Variants in NKAIN2 observed in about 807,000 individuals in gnomAD.
NKAIN2 encodes sodium/potassium transporting ATPase interacting 2.
NKAIN2 carries 14 observed loss-of-function variants against 32.6 expected under a neutral mutation model. The ratio of observed to expected loss-of-function variants is 0.43; its 90% CI spans 0.28 to 0.67. The LOEUF (loss-of-function observed/expected upper bound fraction) is 0.67, where lower values mean the gene tolerates loss of function less well. NKAIN2 is among the 30% of genes least tolerant of loss of function. NKAIN2 has a pLI of 0.17. For synonymous variants in NKAIN2, 80 were observed against 87.2 expected, an observed-to-expected ratio of 0.92 and a Z score of 0.46; for missense variants, 198 against 258.3, an observed-to-expected ratio of 0.77 and a Z score of 1.60.
intron 3 of NKAIN2, among the ~76,000 whole-genome samples, chr6:124,393,559 A>C (rs1773233134): frequency 6.6e-6 from 1 of 152,192 alleles, no homozygotes; most frequent in African/African-American, 2.4e-5. Context: ...CATTGCTGAA[A>C]TACTGAGTGA....
intron 1 of NKAIN2, among the ~76,000 whole-genome samples, chr6:124,072,056 A>G (rs1783491668): frequency 6.6e-6 from 1 of 152,194 alleles, no homozygotes; most frequent in Non-Finnish European, 1.5e-5. Flanking sequence ...TTACAATAGC[A>G]AAAACATGGA....
chr6:123,975,360 A>G (rs1299161912), intron 1 of NKAIN2, among the ~76,000 whole-genome samples: 2 of 152,226 alleles, frequency 1.3e-5, no homozygotes, highest in Non-Finnish European at 2.9e-5. Flanking sequence ...AAGAAACTGC[A>G]TAATTGAATT....
intron 5 of NKAIN2, among the ~76,000 whole-genome samples, chr6:124,808,899 A>G (rs1780734215): frequency 6.6e-6 from 1 of 152,200 alleles, no homozygotes; most frequent in Non-Finnish European, 1.5e-5. Context: ...CAAAGAGAAT[A>G]AAATACCTGG....
In NKAIN2 at chr6:124,806,950, A is replaced by G. The variant is rs145324343; in HGVS notation, c.536-11437A>G. ...ACAAGAAGAGCTAACTATCCTAAAT[A>G]TATATGCATCCAATACAGGAGGACC... On this transcript the variant is annotated intron_variant, in intron 5 of 6. Coordinates refer to ENST00000368417, the MANE Select transcript of NKAIN2 (RefSeq NM_001040214.3). Among the ~76,000 whole-genome samples, 1,302 of 152,358 alleles carry G rather than the reference A, an allele frequency of 8.5e-3. 10 individuals are homozygous for G. The highest frequency in any genetic ancestry group is 0.013 in the Non-Finnish European group (873 of 68,038).
intron 4 of NKAIN2, among the ~76,000 whole-genome samples, chr6:124,764,477 G>T (rs565421057): frequency 4.9e-4 from 75 of 152,154 alleles, no homozygotes; most frequent in African/African-American, 1.8e-3. Context: ...TTTATGCTTT[G>T]AAAAACTATC....
intron 3 of NKAIN2, among the ~76,000 whole-genome samples, chr6:124,570,952 G>C (rs1781104846): frequency 6.6e-6 from 1 of 152,166 alleles, no homozygotes; most frequent in Non-Finnish European, 1.5e-5. Flanking sequence ...CACAGAGGCA[G>C]AGCTGCCCAA....
At chr6:124,359,409 G>T (rs1421777157) in intron 3 of NKAIN2, among the ~76,000 whole-genome samples, 2 of 152,264 alleles carry the variant, frequency 1.3e-5, no homozygotes, top group African/African-American at 2.4e-5. Context: ...CATGAGCATG[G>T]AATGTTCTTC....
chr6:124,498,188 G>C (rs539193875), intron 3 of NKAIN2, among the ~76,000 whole-genome samples: 3 of 152,146 alleles, frequency 2.0e-5, no homozygotes, highest in Non-Finnish European at 4.4e-5. Flanking sequence ...TCTTGAATAC[G>C]AACTGTGAGT....
At chr6:124,522,291 A>G (rs1779146154) in intron 3 of NKAIN2, among the ~76,000 whole-genome samples, 1 of 152,182 alleles carries the variant, frequency 6.6e-6, no homozygotes, top group Non-Finnish European at 1.5e-5. Flanking sequence ...ACTATTCAGC[A>G]TGTATTTCAT....
At chr6:124,083,718 A>G (rs1784072558) in intron 1 of NKAIN2, among the ~76,000 whole-genome samples, 1 of 152,040 alleles carries the variant, frequency 6.6e-6, no homozygotes, top group South Asian at 2.1e-4. Flanking sequence ...TGGTCTGTAC[A>G]GTTAAAGTAC....
chr6:123,845,510 A>C (rs1775050732), intron 1 of NKAIN2, among the ~76,000 whole-genome samples: 1 of 152,100 alleles, frequency 6.6e-6, no homozygotes, highest in Non-Finnish European at 1.5e-5. Flanking sequence ...GTTTCTCTTC[A>C]CCTTTCTGAT....
chr6:124,048,555 T>C (rs1782252385), intron 1 of NKAIN2, among the ~76,000 whole-genome samples: 1 of 152,020 alleles, frequency 6.6e-6, no homozygotes, highest in Admixed American at 6.6e-5. Flanking sequence ...TCAGTAAACA[T>C]TCCTTCCTGA....
intron 1 of NKAIN2, among the ~76,000 whole-genome samples, chr6:123,820,789 A>G (rs988287569): frequency 2.0e-5 from 3 of 152,210 alleles, no homozygotes; most frequent in Non-Finnish European, 4.4e-5. Flanking sequence ...ATTTAGCCGT[A>G]CCCCTCAATG....
chr6:124,737,706 G>C (rs1360981696), intron 4 of NKAIN2, among the ~76,000 whole-genome samples: 2 of 151,884 alleles, frequency 1.3e-5, no homozygotes, highest in Non-Finnish European at 2.9e-5. Context: ...CTTGAGATTT[G>C]TTGAATGGCT....
intron 1 of NKAIN2, among the ~76,000 whole-genome samples, chr6:124,093,008 A>T (rs1031300938): frequency 2.0e-5 from 3 of 152,044 alleles, no homozygotes; most frequent in Non-Finnish European, 4.4e-5. Flanking sequence ...GCTTCCTGCC[A>T]GTATGAATTT....
At chr6:124,000,596 A>AT (rs1166905242) in intron 1 of NKAIN2, among the ~76,000 whole-genome samples, 2 of 151,950 alleles carry the variant, frequency 1.3e-5, no homozygotes, top group African/African-American at 4.8e-5. Context: ...TCTGTGGATA[A>AT]TTTTTTCCCT....
intron 3 of NKAIN2, among the ~76,000 whole-genome samples, chr6:124,419,261 T>G (rs1251179354): frequency 6.6e-6 from 1 of 152,094 alleles, no homozygotes; most frequent in Non-Finnish European, 1.5e-5. Flanking sequence ...ATTTGCAAAG[T>G]AACCTCTATT....
intron 4 of NKAIN2, among the ~76,000 whole-genome samples, chr6:124,781,007 C>A (rs532384194): frequency 1.7e-4 from 26 of 152,284 alleles, no homozygotes; most frequent in Non-Finnish European, 3.2e-4. Flanking sequence ...TTGATGATTT[C>A]CAAGCTCTGC....
intron 4 of NKAIN2, among the ~76,000 whole-genome samples, chr6:124,688,063 A>T (rs905499290): frequency 1.3e-5 from 2 of 152,036 alleles, no homozygotes; most frequent in South Asian, 4.1e-4. Context: ...CCTGAGGATG[A>T]GTGTCATTTG....
Sources: allele counts gnomAD v4.1 joint callset (sites outside exome capture counted in the v4.1 genomes callset), GRCh38; gene constraint gnomAD v4.1.1; transcripts MANE v1.5; gene names NCBI Gene and HGNC (gene_info 2026-07-23, HGNC 2026-07-21).